The following MLLT3 variants were observed in gnomAD, a reference collection of about 807,000 sequenced individuals.
MLLT3 encodes the protein MLLT3 super elongation complex subunit.
In MLLT3, 4 loss-of-function variants were observed where a neutral mutation model predicts 53.2. The ratio of observed to expected loss-of-function variants is 0.08; its 90% confidence interval spans 0.04 to 0.17. MLLT3 has a LOEUF of 0.17. Ranked by LOEUF, MLLT3 falls within the 10% of genes least tolerant of loss-of-function variation. MLLT3 has a pLI of 1.00. For missense variants in MLLT3, 569 were observed against 684.0 expected (o/e 0.83, Z 1.87); for synonymous variants, 283 against 230.6 (o/e 1.23, Z -2.06).
intron 2 of MLLT3, among the ~76,000 whole-genome samples, chr9:20,606,199 T>C (rs960704138): frequency 3.9e-5 from 6 of 151,984 alleles, no homozygotes; most frequent in African/African-American, 1.4e-4. Context: ...GCCTGTAAAA[T>C]CTCCCATGGA....
intron 2 of MLLT3, among the ~76,000 whole-genome samples, chr9:20,544,054 T>C (rs1818718636): frequency 6.6e-6 from 1 of 152,204 alleles, no homozygotes; most frequent in Non-Finnish European, 1.5e-5. Flanking sequence ...TAAAGTCTTA[T>C]AGATATGGAC....
chr9:20,389,271 C>T (rs1269070706), intron 5 of MLLT3, among the ~76,000 whole-genome samples: 1 of 152,204 alleles, frequency 6.6e-6, no homozygotes, highest in African/African-American at 2.4e-5. Context: ...CACAAAACAT[C>T]ACATATTATA....
intron 2 of MLLT3, among the ~76,000 whole-genome samples, chr9:20,541,302 T>G (rs956387175): frequency 6.6e-6 from 1 of 152,218 alleles, no homozygotes; most frequent in East Asian, 1.9e-4. Flanking sequence ...CGTTCCAAAG[T>G]TACTTCCACA....
chr9:20,537,418 C>T (rs1818516554), intron 2 of MLLT3, among the ~76,000 whole-genome samples: 1 of 152,118 alleles, frequency 6.6e-6, no homozygotes, highest in Admixed American at 6.6e-5. Context: ...GCTTTCTTAT[C>T]TGAAGAATGT....
At chr9:20,533,570 G>A (rs1239508599) in intron 2 of MLLT3, among the ~76,000 whole-genome samples, 1 of 152,076 alleles carries the variant, frequency 6.6e-6, no homozygotes, top group African/African-American at 2.4e-5. Flanking sequence ...ATGTCCTAAG[G>A]AAATAAAATC....
chr9:20,571,495 G>A (rs2131164332), intron 2 of MLLT3, among the ~76,000 whole-genome samples: 1 of 152,184 alleles, frequency 6.6e-6, no homozygotes, highest in East Asian at 1.9e-4. Context: ...GAACATGCAG[G>A]TTTGTTACAT....
chr9:20,590,987 C>T (rs930898474), intron 2 of MLLT3, among the ~76,000 whole-genome samples: 7 of 151,920 alleles, frequency 4.6e-5, no homozygotes, highest in Admixed American at 4.6e-4. Flanking sequence ...TGGCCTCAGG[C>T]AATCCTTCCA....
chr9:20,440,740 A>G (rs778824008), intron 4 of MLLT3, among the ~76,000 whole-genome samples: 1 of 152,190 alleles, frequency 6.6e-6, no homozygotes, highest in Non-Finnish European at 1.5e-5. Context: ...ATATTTTTGT[A>G]TTTAAACAGA....
intron 4 of MLLT3, among the ~76,000 whole-genome samples, chr9:20,437,294 C>A (rs1251750068): frequency 6.6e-6 from 1 of 152,072 alleles, no homozygotes; most frequent in Non-Finnish European, 1.5e-5. Flanking sequence ...GCACATACAT[C>A]TGATGTCAAG....
intron 2 of MLLT3, among the ~76,000 whole-genome samples, chr9:20,467,865 A>G (rs1824274260): frequency 6.6e-6 from 1 of 152,250 alleles, no homozygotes; most frequent in African/African-American, 2.4e-5. Flanking sequence ...GCTGAAGCTT[A>G]CTGTAATAAT....
chr9:20,403,020 G>C (rs1005145512), intron 5 of MLLT3, among the ~76,000 whole-genome samples: 1 of 152,048 alleles, frequency 6.6e-6, no homozygotes, highest in African/African-American at 2.4e-5. Flanking sequence ...GAGGAGGAGA[G>C]TTTGGGAAAG....
chr9:20,593,764 C>T (rs746618598), intron 2 of MLLT3, among the ~76,000 whole-genome samples: 1 of 152,142 alleles, frequency 6.6e-6, no homozygotes, highest in Non-Finnish European at 1.5e-5. Flanking sequence ...TGGGCACGTA[C>T]TGGAATCAGC....
At chr9:20,353,629 G>C in intron 9 of MLLT3, 33 bp from the exon 10 acceptor site, 2 of 1,554,856 alleles carry the variant, frequency 1.3e-6, no homozygotes, top group Non-Finnish European at 1.8e-6. Flanking sequence ...AAAAGGACAA[G>C]CACTTTAAGT....
chr9:20,509,322 T>C (rs1278763044), intron 2 of MLLT3, among the ~76,000 whole-genome samples: 1 of 152,210 alleles, frequency 6.6e-6, no homozygotes, highest in Non-Finnish European at 1.5e-5. Flanking sequence ...TTAAAATATG[T>C]ACTGAAAGGT....
chr9:20,500,072 T>C (rs1346082166), intron 2 of MLLT3, among the ~76,000 whole-genome samples: 6 of 152,238 alleles, frequency 3.9e-5, no homozygotes, highest in Non-Finnish European at 7.3e-5. Context: ...TAAGTCACCA[T>C]CAAGCTTAGT....
At chr9:20,373,809 A>G (rs1821682449) in intron 5 of MLLT3, among the ~76,000 whole-genome samples, 1 of 152,200 alleles carries the variant, frequency 6.6e-6, no homozygotes, top group Non-Finnish European at 1.5e-5. Context: ...ACAAATATCC[A>G]GAAAGACTGT....
intron 2 of MLLT3, among the ~76,000 whole-genome samples, chr9:20,608,729 G>C (rs991427292): frequency 2.9e-4 from 44 of 151,914 alleles, no homozygotes; most frequent in African/African-American, 1.1e-3. Flanking sequence ...ATTACTTGTA[G>C]AAAAAACTAA....
At chr9:20,496,418 G>C (rs1164770275) in intron 2 of MLLT3, among the ~76,000 whole-genome samples, 1 of 152,048 alleles carries the variant, frequency 6.6e-6, no homozygotes, top group Admixed American at 6.5e-5. Flanking sequence ...TATAATTCAT[G>C]CCTGGACTAA....
At chr9:20,541,292 C>A (rs529849405) in intron 2 of MLLT3, among the ~76,000 whole-genome samples, 1 of 152,178 alleles carries the variant, frequency 6.6e-6, no homozygotes, top group Non-Finnish European at 1.5e-5. Flanking sequence ...CCTGGTACCC[C>A]GTTCCAAAGT....
Sources: gnomAD v4.1 joint callset for allele counts (sites outside exome capture counted in the v4.1 genomes callset) on GRCh38, gnomAD v4.1.1 for gene constraint, MANE v1.5 for transcripts, NCBI Gene and HGNC (gene_info 2026-07-23, HGNC 2026-07-21) for gene names.